The following OR10AD1 variants were observed in gnomAD, a reference collection of about 807,000 sequenced individuals.
OR10AD1 encodes the protein olfactory receptor family 10 subfamily AD member 1.
For synonymous variants in OR10AD1, 115 were observed against 72.2 expected (o/e 1.59, Z -3.00); for missense variants, 309 against 192.7 (o/e 1.60, Z -3.57).
Position 48,203,281 on chromosome 12 carries a change from A to G in OR10AD1, c.12T>C (p.Asn4=), listed in dbSNP as rs17224828. The G allele has an allele frequency of 0.074, 58,080 of 779,654 alleles. 2,695 individuals are homozygous for G. The highest frequency in any genetic ancestry group is 0.095 in the Non-Finnish European group (39,610 of 417,588). The allele number at this position is 779,654 out of a possible 1,614,324, so 48.3% of individuals were successfully genotyped here. The change falls in exon 1 of 1, where the codon AAT becomes AAC. Residue 4 remains asparagine (N), a synonymous_variant. Coordinates refer to ENST00000310248, the MANE Select transcript of OR10AD1 (RefSeq NM_001004134.1). MLR[N]GSIVTEFILV... is the part of the protein sequence containing the mutation. ...GGATAAATTCCGTCACTATGCTGCCATTCCTTAGCATCTGGGGCCTGTTTG... is the reference window on the plus strand; with the variant it reads ...GGATAAATTCCGTCACTATGCTGCCGTTCCTTAGCATCTGGGGCCTGTTTG...
At position 48,203,188 on chromosome 12, in the gene OR10AD1, G is replaced by A. The variant is rs751963744; in HGVS notation, c.105C>T (p.Tyr35=). ...GGCCATTCATGGCCATGGTGAGGCTGTAGAGGGCCAAGAAGAGGGCAAAGA... is the reference window on the plus strand; with the variant it reads ...GGCCATTCATGGCCATGGTGAGGCTATAGAGGGCCAAGAAGAGGGCAAAGA... ...ALLFALFLAL[Y]SLTMAMNGLI... Residue 35 remains tyrosine, a synonymous_variant, in exon 1 of 1, where the codon TAC becomes TAT. Coordinates refer to ENST00000310248, the MANE Select transcript of OR10AD1 (RefSeq NM_001004134.1). 6 of 781,090 alleles carry A rather than the reference G, an allele frequency of 7.7e-6. No individual in the cohort carries two copies. The Middle Eastern group carries it at 6.8e-4, about 88-fold the overall frequency. 48.4% of individuals were successfully genotyped at this position (781,090 alleles called of 1,614,324 possible). A position where few individuals can be genotyped will look rare whatever the true frequency, so the allele number is the denominator to read the frequency against.
Position 48,202,603 on chromosome 12 carries a change from G to C in OR10AD1, c.690C>G (p.Ala230=). ...VHILATILSK[A]SSSGRGKTFS... ...AAGTCTTCCCCCGACCTGAGGAGGAGGCTTTGCTGAGGATGGTGGCCAGGA... is the reference window on the plus strand; with the variant it reads ...AAGTCTTCCCCCGACCTGAGGAGGACGCTTTGCTGAGGATGGTGGCCAGGA... The change falls in exon 1 of 1, where the codon GCC becomes GCG. Residue 230 remains alanine (A), a synonymous_variant. Coordinates refer to ENST00000310248, the MANE Select transcript of OR10AD1 (RefSeq NM_001004134.1). 1 of 781,054 alleles carries C rather than the reference G, an allele frequency of 1.3e-6. No individual in the cohort carries two copies. The highest frequency in any genetic ancestry group is 2.4e-6 in the Non-Finnish European group (1 of 418,122). The allele number at this position is 781,054 out of a possible 1,614,324, so 48.4% of individuals were successfully genotyped here.
rs1951608447 is a variant in OR10AD1, at chr12:48,203,152, A to G, written c.141T>C (p.Phe47=). The part of the protein sequence containing the change: ...LTMAMNGLII[F]ITSWTDPKLN... ...GCTTGGGGTCTGTCCAGGAGGTGAT[A>G]AAGATGATGAGGCCATTCATGGCCA... is the stretch of plus-strand genomic sequence containing the variant. The change falls in exon 1 of 1, where the codon TTT becomes TTC. Residue 47 remains phenylalanine (F), a synonymous_variant. Coordinates refer to ENST00000310248, the MANE Select transcript of OR10AD1 (RefSeq NM_001004134.1). 1.3e-6 allele frequency: 1 copy of G among 781,084 alleles called. No homozygotes were observed. Among genetic ancestry groups the G allele is most frequent in the Non-Finnish European group, 2.4e-6 (1 of 418,128 alleles). The allele number at this position is 781,084 out of a possible 1,614,324, so 48.4% of individuals were successfully genotyped here.
rs1295808128 is a variant in OR10AD1, at chr12:48,202,503, G to A, written c.790C>T (p.His264Tyr). ...TCTTTGTCAGGCCCATGTGTGCTGT[G>A]GGGGTTCATGTAAGAGAACATAGCT... ...TSAMFSYMNP[H>Y]STHGPDKDKP... Residue 264 changes from histidine (H) to tyrosine (Y), a missense_variant, in exon 1 of 1, where the codon CAC becomes TAC. Coordinates refer to ENST00000310248, the MANE Select transcript of OR10AD1 (RefSeq NM_001004134.1). The A allele has an allele frequency of 1.3e-6, 1 of 781,040 alleles. No homozygotes were observed. The highest frequency in any genetic ancestry group is 1.3e-5 in the South Asian group (1 of 74,620). 48.4% of individuals were successfully genotyped at this position (781,040 alleles called of 1,614,324 possible). A position where few individuals can be genotyped will look rare whatever the true frequency, so the allele number is the denominator to read the frequency against.
Position 48,202,854 on chromosome 12 carries a change from C to T in OR10AD1, c.439G>A (p.Gly147Arg), listed in dbSNP as rs1951604192. The T allele has an allele frequency of 1.3e-6, 1 of 780,898 alleles. No individual in the cohort carries two copies. Among genetic ancestry groups the T allele is most frequent in the Non-Finnish European group, 2.4e-6 (1 of 418,114 alleles). 48.4% of individuals were successfully genotyped at this position (780,898 alleles called of 1,614,324 possible). ...ATCAGCCCAAAGAACCAGGCAGTTC[C>T]CACAAGCCTGACACAGACCTTCTGG... is the stretch of plus-strand genomic sequence containing the variant. ...ISQKVCVRLV[G>R]TAWFFGLING... Residue 147 changes from glycine (G) to arginine (R), a missense_variant, in exon 1 of 1, where the codon GGA (glycine) becomes AGA (arginine). Coordinates refer to ENST00000310248, the MANE Select transcript of OR10AD1 (RefSeq NM_001004134.1).
Position 48,202,406 on chromosome 12 carries a change from T to C in OR10AD1, c.887A>G (p.Lys296Arg). The C allele has an allele frequency of 1.3e-6, 1 of 780,994 alleles. No homozygotes were observed. Among genetic ancestry groups the C allele is most frequent in the Non-Finnish European group, 2.4e-6 (1 of 418,058 alleles). 48.4% of individuals were successfully genotyped at this position (780,994 alleles called of 1,614,324 possible). A position where few individuals can be genotyped will look rare whatever the true frequency, so the allele number is the denominator to read the frequency against. Residue 296 changes from lysine (K) to arginine (R), a missense_variant, in exon 1 of 1, where the codon AAG (lysine) becomes AGG (arginine). Coordinates refer to ENST00000310248, the MANE Select transcript of OR10AD1 (RefSeq NM_001004134.1). ...CCTCACCATGGCCTCCTTAATTTCC[T>C]TGTTGCGGAAACTATAAATGATGGG... ...CNPIIYSFRNKEIKEAMVRAL... is the reference protein window; with the variant it reads ...CNPIIYSFRNREIKEAMVRAL...
At position 48,202,396 on chromosome 12, in the gene OR10AD1, C is replaced by T. The variant is rs1466092362; in HGVS notation, c.897G>A (p.Lys299=). 1 of 780,682 alleles carries T rather than the reference C, an allele frequency of 1.3e-6. No individual in the cohort carries two copies. The highest frequency in any genetic ancestry group is 2.4e-6 in the Non-Finnish European group (1 of 417,842). The allele number at this position is 780,682 out of a possible 1,614,324, so 48.4% of individuals were successfully genotyped here. A position where few individuals can be genotyped will look rare whatever the true frequency, so the allele number is the denominator to read the frequency against. ...TTCCAAGTGCCCTCACCATGGCCTC[C>T]TTAATTTCCTTGTTGCGGAAACTAT... The part of the protein sequence containing the change: ...IIYSFRNKEI[K]EAMVRALGRT... Residue 299 remains lysine, a synonymous_variant, in exon 1 of 1, where the codon AAG becomes AAA. Transcript: ENST00000310248.
rs17823193 is a variant in OR10AD1, at chr12:48,203,107, G to A, written c.186C>T (p.Phe62=). 58,212 of 780,722 alleles carry A rather than the reference G, an allele frequency of 0.075. 2,702 individuals carry two copies. Among genetic ancestry groups the A allele is most frequent in the Non-Finnish European group, 0.095 (39,633 of 417,914 alleles). 48.4% of individuals were successfully genotyped at this position (780,722 alleles called of 1,614,324 possible). Residue 62 remains phenylalanine (F), a synonymous_variant, in exon 1 of 1, where the codon TTC becomes TTT. Coordinates refer to ENST00000310248, the MANE Select transcript of OR10AD1 (RefSeq NM_001004134.1). ...TDPKLNSPMY[F]FLGHLSLLDV... The stretch of plus-strand genomic sequence containing the variant: ...CCAGGAGAGACAGATGGCCGAGGAA[G>A]AAGTACATGGGGCTGTTGAGCTTGG...
Position 48,202,480 on chromosome 12 carries a change from T to C in OR10AD1, c.813A>G (p.Lys271=), listed in dbSNP as rs1565943403. The C allele has an allele frequency of 1.3e-6, 1 of 781,010 alleles. No homozygotes were observed. Among genetic ancestry groups the C allele is most frequent in the Non-Finnish European group, 2.4e-6 (1 of 418,124 alleles). 48.4% of individuals were successfully genotyped at this position (781,010 alleles called of 1,614,324 possible). Residue 271 remains lysine (K), a synonymous_variant, in exon 1 of 1, where the codon AAA becomes AAG. Coordinates refer to ENST00000310248, the MANE Select transcript of OR10AD1 (RefSeq NM_001004134.1). ...MNPHSTHGPD[K]DKPFSLLYTI... ...TGTACAGGAGGGAGAAAGGTTTGTC[T>C]TTGTCAGGCCCATGTGTGCTGTGGG...
At position 48,202,458 on chromosome 12, in the gene OR10AD1, A is replaced by G. The variant is rs11168459; in HGVS notation, c.835T>C (p.Tyr279His). 0.19 allele frequency: 149,878 copies of G among 780,844 alleles called. 15,388 individuals are homozygous for G. The highest frequency in any genetic ancestry group is 0.27 in the African/African-American group (15,753 of 59,166). The allele number at this position is 780,844 out of a possible 1,614,324, so 48.4% of individuals were successfully genotyped here. Residue 279 changes from tyrosine to histidine, a missense_variant, in exon 1 of 1, where the codon TAC becomes CAC. Physicochemically the swap from Tyr to His is moderately conservative, Grantham distance 83 (BLOSUM62 2). Transcript: ENST00000310248. ...PDKDKPFSLL[Y>H]TIITPMCNPI... The stretch of plus-strand genomic sequence containing the variant: ...TTGCACATGGGGGTAATGATGGTGT[A>G]CAGGAGGGAGAAAGGTTTGTCTTTG...
Position 48,202,501 on chromosome 12 carries a change from G to C in OR10AD1, c.792C>G (p.His264Gln), listed in dbSNP as rs149638704. ...TSAMFSYMNP[H>Q]STHGPDKDKP... is the part of the protein sequence containing the mutation. ...TGTCTTTGTCAGGCCCATGTGTGCT[G>C]TGGGGGTTCATGTAAGAGAACATAG... is the stretch of plus-strand genomic sequence containing the variant. The change falls in exon 1 of 1, where the codon CAC (histidine) becomes CAG (glutamine). Residue 264 changes from histidine (H) to glutamine (Q), a missense_variant. Transcript: ENST00000310248. 9.0e-6 allele frequency: 7 copies of C among 780,950 alleles called. No individual in the cohort carries two copies. The highest frequency in any genetic ancestry group is 1.4e-5 in the Non-Finnish European group (6 of 418,126). The allele number at this position is 780,950 out of a possible 1,614,324, so 48.4% of individuals were successfully genotyped here.
At position 48,203,035 on chromosome 12, in the gene OR10AD1, G is replaced by A. The variant is rs970416552; in HGVS notation, c.258C>T (p.Leu86=). 9 of 781,042 alleles carry A rather than the reference G, an allele frequency of 1.2e-5. No homozygotes were observed. The highest frequency in any genetic ancestry group is 5.4e-5 in the South Asian group (4 of 74,612). The allele number at this position is 781,042 out of a possible 1,614,324, so 48.4% of individuals were successfully genotyped here. A position where few individuals can be genotyped will look rare whatever the true frequency, so the allele number is the denominator to read the frequency against. ...TTTIPQMLIH[L]VVRDHIVSFV... ...AGGAGACAATGTGGTCCCTGACCAC[G>A]AGGTGGATCAACATCTGTGGGATGG... is the stretch of plus-strand genomic sequence containing the variant. Residue 86 remains leucine, a synonymous_variant, in exon 1 of 1, where the codon CTC becomes CTT. Coordinates refer to ENST00000310248, the MANE Select transcript of OR10AD1 (RefSeq NM_001004134.1).
At position 48,202,459 on chromosome 12, in the gene OR10AD1, C is replaced by T; in HGVS notation, c.834G>A (p.Leu278=). 1.3e-6 allele frequency: 1 copy of T among 780,966 alleles called. No homozygotes were observed. The highest frequency in any genetic ancestry group is 2.4e-6 in the Non-Finnish European group (1 of 418,110). 48.4% of individuals were successfully genotyped at this position (780,966 alleles called of 1,614,324 possible). The change falls in exon 1 of 1, where the codon CTG becomes CTA. Residue 278 remains leucine (L), a synonymous_variant. Coordinates refer to ENST00000310248, the MANE Select transcript of OR10AD1 (RefSeq NM_001004134.1). Reference sequence around the variant, plus strand: ...TGCACATGGGGGTAATGATGGTGTACAGGAGGGAGAAAGGTTTGTCTTTGT... The same window carrying T: ...TGCACATGGGGGTAATGATGGTGTATAGGAGGGAGAAAGGTTTGTCTTTGT... The part of the protein sequence containing the change: ...GPDKDKPFSL[L]YTIITPMCNP...
chr12:48,202,873 C>G lies in OR10AD1; in HGVS notation c.420G>C (p.Lys140Asn). ...CAGTTCCCACAAGCCTGACACAGAC[C>G]TTCTGGCTTATGATCGGGACATAGT... is the stretch of plus-strand genomic sequence containing the variant. ...PLNYVPIISQ[K>N]VCVRLVGTAW... The change falls in exon 1 of 1, where the codon AAG (lysine) becomes AAC (asparagine). Residue 140 changes from lysine (K) to asparagine (N), a missense_variant. Lys to Asn is a moderately conservative substitution (Grantham distance 94). Transcript: ENST00000310248. The G allele has an allele frequency of 1.3e-6, 1 of 781,042 alleles. No homozygotes were observed. Among genetic ancestry groups the G allele is most frequent in the South Asian group, 1.3e-5 (1 of 74,614 alleles). The allele number at this position is 781,042 out of a possible 1,614,324, so 48.4% of individuals were successfully genotyped here.
Position 48,203,163 on chromosome 12 carries a change from G to A in OR10AD1, c.130C>T (p.Leu44Phe). The change falls in exon 1 of 1, where the codon CTC becomes TTC. Residue 44 changes from leucine (L) to phenylalanine (F), a missense_variant. Transcript: ENST00000310248. ...GTCCAGGAGGTGATAAAGATGATGA[G>A]GCCATTCATGGCCATGGTGAGGCTG... ...LYSLTMAMNG[L>F]IIFITSWTDP... The A allele has an allele frequency of 2.6e-6, 2 of 781,074 alleles. No homozygotes were observed. The highest frequency in any genetic ancestry group is 4.8e-6 in the Non-Finnish European group (2 of 418,104). The allele number at this position is 781,074 out of a possible 1,614,324, so 48.4% of individuals were successfully genotyped here. A position where few individuals can be genotyped will look rare whatever the true frequency, so the allele number is the denominator to read the frequency against.
rs748413148 is a variant in OR10AD1 at position 48,202,743 on chromosome 12, TG to T, written c.549del (p.Ile184Ter). On this transcript the variant is annotated frameshift_variant, in exon 1 of 1. Coordinates refer to ENST00000310248, the MANE Select transcript of OR10AD1 (RefSeq NM_001004134.1). LOFTEE classifies it low-confidence loss of function (END_TRUNC). Reference sequence around the variant, plus strand: ...TCCCCACAAGAGAGGCCAATCACTATGGGGGCCTCACAGAAGAAGCTTTCTA... The same window carrying T: ...TCCCCACAAGAGAGGCCAATCACTATGGGGCCTCACAGAAGAAGCTTTCTA... ...NHIESFFCEAPIVIGLSCGDP... is the reference protein window; with the variant it reads ...NHIESFFCEAXIVIGLSCGDP... 4 of 780,912 alleles carry T rather than the reference TG, an allele frequency of 5.1e-6. No individual in the cohort carries two copies. The highest frequency in any genetic ancestry group is 1.3e-5 in the South Asian group (1 of 74,614). The allele number at this position is 780,912 out of a possible 1,614,324, so 48.4% of individuals were successfully genotyped here. A position where few individuals can be genotyped will look rare whatever the true frequency, so the allele number is the denominator to read the frequency against.
In OR10AD1 at chr12:48,203,007, C is replaced by A. The variant is rs1172357017; in HGVS notation, c.286G>T (p.Val96Leu). The part of the protein sequence containing the change: ...LVVRDHIVSF[V>L]CCMTQMYFVF... ...AAGTACATCTGGGTCATGCAACATA[C>A]AAAGGAGACAATGTGGTCCCTGACC... The change falls in exon 1 of 1, where the codon GTA becomes TTA. Residue 96 changes from valine to leucine, a missense_variant. Val to Leu is a conservative substitution (Grantham distance 32). Coordinates refer to ENST00000310248, the MANE Select transcript of OR10AD1 (RefSeq NM_001004134.1). 1 of 780,948 alleles carries A rather than the reference C, an allele frequency of 1.3e-6. No homozygotes were observed. Among genetic ancestry groups the A allele is most frequent in the Non-Finnish European group, 2.4e-6 (1 of 418,126 alleles). The allele number at this position is 780,948 out of a possible 1,614,324, so 48.4% of individuals were successfully genotyped here.
rs1951607868 is a variant in OR10AD1 at position 48,203,120 on chromosome 12, C to T, written c.173G>A (p.Ser58Asn). The T allele has an allele frequency of 3.8e-6, 3 of 780,932 alleles. No homozygotes were observed. The highest frequency in any genetic ancestry group is 7.2e-6 in the Non-Finnish European group (3 of 418,056). The allele number at this position is 780,932 out of a possible 1,614,324, so 48.4% of individuals were successfully genotyped here. A position where few individuals can be genotyped will look rare whatever the true frequency, so the allele number is the denominator to read the frequency against. Residue 58 changes from serine to asparagine, a missense_variant, in exon 1 of 1, where the codon AGC (serine) becomes AAC (asparagine). Transcript: ENST00000310248. The stretch of plus-strand genomic sequence containing the variant: ...ATGGCCGAGGAAGAAGTACATGGGG[C>T]TGTTGAGCTTGGGGTCTGTCCAGGA... ...ITSWTDPKLN[S>N]PMYFFLGHLS...
Position 48,203,167 on chromosome 12 carries a change from A to G in OR10AD1, c.126T>C (p.Asn42=), listed in dbSNP as rs765388044. ...LALYSLTMAM[N]GLIIFITSWT... is the part of the protein sequence containing the mutation. Reference sequence around the variant, plus strand: ...AGGAGGTGATAAAGATGATGAGGCCATTCATGGCCATGGTGAGGCTGTAGA... The same window carrying G: ...AGGAGGTGATAAAGATGATGAGGCCGTTCATGGCCATGGTGAGGCTGTAGA... Residue 42 remains asparagine, a synonymous_variant, in exon 1 of 1, where the codon AAT becomes AAC. Coordinates refer to ENST00000310248, the MANE Select transcript of OR10AD1 (RefSeq NM_001004134.1). 3.8e-6 allele frequency: 3 copies of G among 780,980 alleles called. No individual in the cohort carries two copies. The highest frequency in any genetic ancestry group is 1.7e-5 in the Admixed American group (1 of 59,018). The allele number at this position is 780,980 out of a possible 1,614,324, so 48.4% of individuals were successfully genotyped here. A position where few individuals can be genotyped will look rare whatever the true frequency, so the allele number is the denominator to read the frequency against.
Sources: gnomAD v4.1 joint callset for allele counts on GRCh38, gnomAD v4.1.1 for gene constraint, MANE v1.5 for transcripts, NCBI Gene and HGNC (gene_info 2026-07-23, HGNC 2026-07-21) for gene names.